APEH: variants seen among roughly 807,000 people sequenced by gnomAD.
The protein encoded by APEH is acylaminoacyl-peptide hydrolase.
APEH carries 75 observed loss-of-function variants against 102.7 expected under a neutral mutation model. That is an observed-to-expected ratio of 0.73 (90% CI 0.61 to 0.89). The LOEUF (loss-of-function observed/expected upper bound fraction) is 0.89. Ranked by LOEUF, APEH falls within the 40% of genes least tolerant of loss-of-function variation. The pLI, the probability that APEH is intolerant of heterozygous loss-of-function variation, is 0.00. For missense variants in APEH, 863 were observed against 941.2 expected (o/e 0.92, Z 1.09); for synonymous variants, 344 against 362.7 (o/e 0.95, Z 0.59).
Position 49,682,846 on chromosome 3 carries a change from C to T in APEH, c.1887C>T (p.Cys629=), listed in dbSNP as rs374746175. ...GCAACAGCTCGGTGTCTTGCAGGTG[C>T]GTGGTGGAGGCTGGCTTTCCTTTCA... ...MLGSTDIPDW[C]VVEAGFPFSS... The change falls in exon 20 of 22, where the codon TGC becomes TGT. Residue 629 remains cysteine (C), a synonymous_variant. Coordinates refer to ENST00000296456, the MANE Select transcript of APEH (RefSeq NM_001640.4). 70 of 1,614,070 alleles carry T rather than the reference C, an allele frequency of 4.3e-5. No homozygotes were observed. Among genetic ancestry groups the T allele is most frequent in the African/African-American group, 1.5e-4 (11 of 75,066 alleles).
chr3:49,676,243 G>A (rs1399715188), intron 6 of APEH, 24 bp downstream of exon 6: 10 of 1,612,378 alleles, frequency 6.2e-6, no homozygotes, highest in Non-Finnish European at 6.8e-6. Flanking sequence ...ATCCACGAAG[G>A]CCCGGCAGGG....
At position 49,674,566 on chromosome 3, in the gene APEH, C is replaced by T; in HGVS notation, c.90C>T (p.Cys30=). The T allele has an allele frequency of 6.4e-7, 1 of 1,570,210 alleles. No homozygotes were observed. The highest frequency in any genetic ancestry group is 8.6e-7 in the Non-Finnish European group (1 of 1,167,178). Residue 30 remains cysteine, a synonymous_variant, in exon 2 of 22, where the codon TGC becomes TGT. Coordinates refer to ENST00000296456, the MANE Select transcript of APEH (RefSeq NM_001640.4). ...LSRQPALSAA[C]LGPEVTTQYG... is the part of the protein sequence containing the mutation. ...GCCAGCCCGCGCTGAGCGCCGCCTG[C>T]CTGGGCCCGGAGGTCACCACGCAGT...
In APEH at chr3:49,683,028, C is replaced by T. The variant is rs2053423737; in HGVS notation, c.1987-12C>T. On this transcript the variant is annotated splice_polypyrimidine_tract_variant and intron_variant, in intron 20 of 21. Coordinates refer to ENST00000296456, the MANE Select transcript of APEH (RefSeq NM_001640.4). ...GCTCAACACAGCTCCCCACTCTTCC[C>T]CAAACACCCAGGTGAAGACACCACT... 6.2e-7 allele frequency: 1 copy of T among 1,613,326 alleles called. No homozygotes were observed. Among genetic ancestry groups the T allele is most frequent in the Admixed American group, 1.7e-5 (1 of 59,960 alleles).
At chr3:49,677,168 T>A in intron 10 of APEH, 144 bp downstream of exon 10, 1 of 1,259,154 alleles carries the variant, frequency 7.9e-7, no homozygotes, top group Non-Finnish European at 1.1e-6. Context: ...GAGTTCTGCC[T>A]GTCCTCTCAA....
upstream of APEH, among the ~76,000 whole-genome samples, chr3:49,673,235 T>C (rs150902178): frequency 5.1e-3 from 769 of 151,764 alleles, 9 homozygotes; most frequent in African/African-American, 0.017. Flanking sequence ...GGGCCCTGAA[T>C]GTGGAAGACC....
intron 3 of APEH, 163 bp downstream of exon 3, chr3:49,675,472 G>A: frequency 2.6e-6 from 3 of 1,145,818 alleles, no homozygotes; most frequent in Non-Finnish European, 3.7e-6. Context: ...AGCACTGGAA[G>A]CTTGCTCCAA....
rs752416315 is a variant in APEH, at chr3:49,682,654, C to T, written c.1801C>T (p.Pro601Ser). The T allele has an allele frequency of 3.7e-6, 6 of 1,614,054 alleles. No homozygotes were observed. The East Asian group carries it at 8.9e-5, about 24-fold the overall frequency. The change falls in exon 19 of 22, where the codon CCA (proline) becomes TCA (serine). Residue 601 changes from proline (P) to serine (S), a missense_variant. Physicochemically the swap from Pro to Ser is moderately conservative, Grantham distance 74. Transcript: ENST00000296456. ...FISCHLIGQYPETYRACVARN... is the reference protein window; with the variant it reads ...FISCHLIGQYSETYRACVARN... Reference sequence around the variant, plus strand: ...TTCCTGCCACTTGATTGGTCAGTACCCAGAGACCTACAGGGCCTGCGTGGC... The same window carrying T: ...TTCCTGCCACTTGATTGGTCAGTACTCAGAGACCTACAGGGCCTGCGTGGC...
At chr3:49,673,256 A>C (rs1168603836), upstream of APEH, among the ~76,000 whole-genome samples, 1 of 151,878 alleles carries the variant, frequency 6.6e-6, no homozygotes, top group Non-Finnish European at 1.5e-5. Flanking sequence ...AGCCAGACTC[A>C]GGTATATGGA....
upstream of APEH, among the ~76,000 whole-genome samples, chr3:49,673,623 G>A (rs2052872197): frequency 6.6e-6 from 1 of 151,674 alleles, no homozygotes; most frequent in African/African-American, 2.4e-5. Flanking sequence ...TTTGCTTCGC[G>A]CCCTCCGCCC....
Position 49,675,967 on chromosome 3 carries a change from G to C in APEH, c.442+1G>C. The stretch of plus-strand genomic sequence containing the variant: ...AAACATGGGCCTGTTTATGAGGATG[G>C]TGAGGCATCTGGCTGGTGAGCAGGC... On this transcript the variant is annotated splice_donor_variant, in intron 5 of 21. Coordinates refer to ENST00000296456, the MANE Select transcript of APEH (RefSeq NM_001640.4). LOFTEE classifies it high-confidence loss of function. 6.2e-7 allele frequency: 1 copy of C among 1,614,226 alleles called. No homozygotes were observed. The highest frequency in any genetic ancestry group is 1.3e-5 in the African/African-American group (1 of 75,050).
At chr3:49,676,031 C>T (rs1234646058) in intron 5 of APEH, 25 bp from the exon 6 acceptor site, 2 of 1,614,056 alleles carry the variant, frequency 1.2e-6, no homozygotes, top group Non-Finnish European at 1.7e-6. Flanking sequence ...CTGGGCCCCC[C>T]CTGATTGGCC....
At chr3:49,676,339 C>T in intron 6 of APEH, 39 bp from the exon 7 acceptor site, 1 of 1,613,840 alleles carries the variant, frequency 6.2e-7, no homozygotes, top group Non-Finnish European at 8.5e-7. Flanking sequence ...AGAGCAGGTC[C>T]TATAGACAGG....
In APEH at chr3:49,675,250, T is replaced by C; in HGVS notation, c.213T>C (p.His71=). ...TCTGCCGCCAATACCTGGTGTTCCATGACGGGGACTCAGTGGTGTTTGCAG... is the reference window on the plus strand; with the variant it reads ...TCTGCCGCCAATACCTGGTGTTCCACGACGGGGACTCAGTGGTGTTTGCAG... ...IRFCRQYLVF[H]DGDSVVFAGP... is the part of the protein sequence containing the mutation. The change falls in exon 3 of 22, where the codon CAT becomes CAC. Residue 71 remains histidine (H), a synonymous_variant. Coordinates refer to ENST00000296456, the MANE Select transcript of APEH (RefSeq NM_001640.4). 6.2e-7 allele frequency: 1 copy of C among 1,614,026 alleles called. No individual in the cohort carries two copies. Among genetic ancestry groups the C allele is most frequent in the Non-Finnish European group, 8.5e-7 (1 of 1,179,974 alleles).
Position 49,682,336 on chromosome 3 carries a change from C to T in APEH, c.1604-12C>T, listed in dbSNP as rs2053373817. ...TGCCTGACTACACTGTCTGGTCCCT[C>T]CCTGCCCTCAGTGAACTATCGTGGC... On this transcript the variant is annotated splice_polypyrimidine_tract_variant and intron_variant, in intron 17 of 21. Coordinates refer to ENST00000296456, the MANE Select transcript of APEH (RefSeq NM_001640.4). The T allele has an allele frequency of 6.2e-7, 1 of 1,609,532 alleles. No individual in the cohort carries two copies. Among genetic ancestry groups the T allele is most frequent in the Non-Finnish European group, 8.5e-7 (1 of 1,176,716 alleles).
chr3:49,676,435 C>G lies in APEH; in HGVS notation c.664C>G (p.Pro222Ala), dbSNP rs777745736. 1 of 1,614,224 alleles carries G rather than the reference C, an allele frequency of 6.2e-7. No individual in the cohort carries two copies. The highest frequency in any genetic ancestry group is 8.5e-7 in the Non-Finnish European group (1 of 1,180,038). ...WGENMVSKSI[P>A]VLCVLDVESG... The stretch of plus-strand genomic sequence containing the variant: ...AGAAAACATGGTTTCCAAAAGCATC[C>G]CTGTGCTCTGCGTGCTGGATGTCGA... The change falls in exon 7 of 22, where the codon CCT becomes GCT. Residue 222 changes from proline to alanine, a missense_variant. Pro to Ala is a conservative substitution (Grantham distance 27, BLOSUM62 -1). Coordinates refer to ENST00000296456, the MANE Select transcript of APEH (RefSeq NM_001640.4).
Position 49,679,696 on chromosome 3 carries a change from A to G in APEH, c.1210+52A>G, listed in dbSNP as rs373429927. The G allele has an allele frequency of 6.4e-5, 100 of 1,572,108 alleles. No homozygotes were observed. The highest frequency in any genetic ancestry group is 3.4e-4 in the Middle Eastern group (2 of 5,950). ...AAGGGCAGGGCTGGTGAGCAAGCCAACCAGGCAGCGGGGGACTGGAGCTCC... is the reference window on the plus strand; with the variant it reads ...AAGGGCAGGGCTGGTGAGCAAGCCAGCCAGGCAGCGGGGGACTGGAGCTCC... On this transcript the variant is annotated intron_variant, in intron 13 of 21. Transcript: ENST00000296456. The surrounding 1 kb of genome is among the most constrained non-coding windows in gnomAD (Gnocchi z 4.3).
At chr3:49,682,472 A>G in intron 18 of APEH, 36 bp downstream of exon 18, 1 of 1,612,398 alleles carries the variant, frequency 6.2e-7, no homozygotes, top group Non-Finnish European at 8.5e-7. Context: ...AGGCTGAAAC[A>G]TGGGCTGCCA....
At position 49,677,150 on chromosome 3, in the gene APEH, A is replaced by G. The variant is rs146518677; in HGVS notation, c.999+126A>G. The G allele has an allele frequency of 1.9e-4, 260 of 1,369,176 alleles. 4 individuals are homozygous for G. The East Asian group carries it at 6.0e-3, about 31-fold the overall frequency. The allele number at this position is 1,369,176 out of a possible 1,614,324, so 84.8% of individuals were successfully genotyped here. A position where few individuals can be genotyped will look rare whatever the true frequency, so the allele number is the denominator to read the frequency against. ...GGTGCCCTTCTGTCCTCAATGCAGCAGCGGTGTGAGTTCTGCCTGTCCTCT... is the reference window on the plus strand; with the variant it reads ...GGTGCCCTTCTGTCCTCAATGCAGCGGCGGTGTGAGTTCTGCCTGTCCTCT... On this transcript the variant is annotated intron_variant, in intron 10 of 21. Transcript: ENST00000296456.
chr3:49,681,076 A>G (rs754425145), intron 14 of APEH, 25 bp from the exon 15 acceptor site: 31 of 1,555,898 alleles, frequency 2.0e-5, no homozygotes, highest in Admixed American at 3.8e-5. Flanking sequence ...CAGGCCACCT[A>G]TGACACATTC....
Sources: allele counts gnomAD v4.1 joint callset (sites outside exome capture counted in the v4.1 genomes callset), GRCh38; gene constraint gnomAD v4.1.1; non-coding constraint Gnocchi (gnomAD v3.1); transcripts MANE v1.5; gene names NCBI Gene and HGNC (gene_info 2026-07-23, HGNC 2026-07-21).